FHL2: variants seen among roughly 807,000 people sequenced by gnomAD.
FHL2 encodes four and a half LIM domains protein 2.
FHL2 carries 20 observed loss-of-function variants against 32.7 expected under a neutral mutation model. The observed-to-expected ratio is 0.61, with a 90% CI of 0.43 to 0.89. The LOEUF (loss-of-function observed/expected upper bound fraction) is 0.89. Ranked by LOEUF, FHL2 falls within the 40% of genes least tolerant of loss-of-function variation. The pLI, the probability that FHL2 is intolerant of heterozygous loss-of-function variation, is 0.00. For synonymous variants in FHL2, 123 were observed against 128.1 expected (o/e 0.96, Z 0.27); for missense variants, 311 against 358.6 (o/e 0.87, Z 1.07).
At chr2:105,361,467 G>T in intron 6 of FHL2, 33 bp from the exon 7 acceptor site, 1 of 1,595,878 alleles carries the variant, frequency 6.3e-7, no homozygotes, top group South Asian at 1.1e-5. Flanking sequence ...ACCGGATGAA[G>T]AAAGTTAGAA....
intron 3 of FHL2, chr2:105,378,932 G>A (rs1321416840): frequency 1.3e-5 from 2 of 152,204 alleles, no homozygotes; most frequent in Non-Finnish European, 2.9e-5. Context: ...TCCTGGGCCA[G>A]AAATGCCTGA....
At chr2:105,412,761 G>C (rs1683832580) in intron 1 of FHL2, among the ~76,000 whole-genome samples, 1 of 152,212 alleles carries the variant, frequency 6.6e-6, no homozygotes, top group Non-Finnish European at 1.5e-5. Flanking sequence ...GGCGGGGGCA[G>C]TGAAGCCAGT....
At chr2:105,392,519 A>G (rs1172680033) in intron 2 of FHL2, among the ~76,000 whole-genome samples, 1 of 152,170 alleles carries the variant, frequency 6.6e-6, no homozygotes, top group Non-Finnish European at 1.5e-5. Context: ...AAAAGGATGT[A>G]AGAATAAAGG....
chr2:105,408,242 T>C (rs560649166), intron 1 of FHL2, among the ~76,000 whole-genome samples: 6 of 152,322 alleles, frequency 3.9e-5, no homozygotes, highest in African/African-American at 1.4e-4. Context: ...GTGGACTCAC[T>C]TGGATTGAGA....
In FHL2 at chr2:105,373,476, TC is replaced by T. The variant is rs541555210; in HGVS notation, c.331+82del. On this transcript the variant is annotated intron_variant, in intron 4 of 6. Transcript: ENST00000530340. ...GTCAACACGAGTGTCTGGAACCAAG[TC>T]AATGTGAACAGGGGGTCAGAGGAAC... The T allele has an allele frequency of 1.2e-3, 1,728 of 1,474,266 alleles. 22 individuals carry two copies. In the Admixed American group the frequency reaches 0.028, roughly 24 times the overall value. The allele number at this position is 1,474,266 out of a possible 1,614,324, so 91.3% of individuals were successfully genotyped here.
At position 105,392,152 on chromosome 2, in the gene FHL2, GTC is replaced by G. The variant is rs1353842978; in HGVS notation, c.-25+4493_-25+4494del. Among the ~76,000 whole-genome samples, 9 of 152,298 alleles carry G rather than the reference GTC, an allele frequency of 5.9e-5. No individual in the cohort carries two copies. The South Asian group carries it at 1.0e-3, about 18-fold the overall frequency. On this transcript the variant is annotated intron_variant, in intron 2 of 6. Transcript: ENST00000530340. ...GCCCAGGGAAGGCTTTGATCTCTGA[GTC>G]TCTCGCTAGCCCAGCTTTGACTCAG... is the stretch of plus-strand genomic sequence containing the variant.
At chr2:105,373,428 G>T in intron 4 of FHL2, 131 bp downstream of exon 4, 1 of 882,652 alleles carries the variant, frequency 1.1e-6, no homozygotes. Context: ...ATACTCCTCT[G>T]CAGTTCAAGG....
upstream of FHL2, chr2:105,399,360 C>T (rs1371010063): frequency 2.1e-5 from 32 of 1,535,960 alleles, 1 homozygote; most frequent in East Asian, 7.6e-4. Context: ...GGTCTGCCCA[C>T]GCCGGGATCT....
At chr2:105,386,145 A>C in intron 3 of FHL2, 1 of 497,940 alleles carries the variant, frequency 2.0e-6, no homozygotes, top group Non-Finnish European at 3.5e-6. Flanking sequence ...TACTAAGCAC[A>C]AAAGTCCTGG....
rs764275604 is a variant in FHL2, at chr2:105,363,332, C to T, written c.641G>A (p.Cys214Tyr). The change falls in exon 6 of 7, where the codon TGT becomes TAT. Residue 214 changes from cysteine (C) to tyrosine (Y), a missense_variant. Physicochemically the swap from Cys to Tyr is radical, Grantham distance 194. Transcript: ENST00000530340. ...AGCACACTTCTTGGCATACAAGTCA[C>T]AGAAGCAGTTCAGGCAGTAGGCAAA... ...DDFAYCLNCF[C>Y]DLYAKKCAGC... is the part of the protein sequence containing the mutation. The T allele has an allele frequency of 2.5e-6, 4 of 1,614,206 alleles. No homozygotes were observed. Among genetic ancestry groups the T allele is most frequent in the Non-Finnish European group, 3.4e-6 (4 of 1,180,036 alleles).
chr2:105,402,247 G>GTGTA (rs1553422834), upstream of FHL2, among the ~76,000 whole-genome samples: 5 of 150,188 alleles, frequency 3.3e-5, no homozygotes, highest in African/African-American at 7.4e-5. Flanking sequence ...GTGTGTGTGT[G>GTGTA]TATATATATA....
chr2:105,358,384 G>C (rs531798618), downstream of FHL2: 16 of 152,406 alleles, frequency 1.0e-4, no homozygotes, highest in Non-Finnish European at 8.8e-5. Context: ...CTCCCAATGT[G>C]GAGCCTCCGC....
At chr2:105,358,937 G>A (rs1189585780), downstream of FHL2, 6 of 152,124 alleles carry the variant, frequency 3.9e-5, no homozygotes, top group African/African-American at 1.4e-4. Context: ...CTGGCCTCTG[G>A]TTCCTCAGGC....
intron 3 of FHL2, chr2:105,375,130 A>AGT (rs1558691538): frequency 1.6e-5 from 2 of 123,544 alleles, no homozygotes; most frequent in South Asian, 2.6e-4. Flanking sequence ...CTTTTGCTGA[A>AGT]GTATGTGTGT....
At chr2:105,383,760 C>A (rs901164364) in intron 3 of FHL2, among the ~76,000 whole-genome samples, 3 of 152,198 alleles carry the variant, frequency 2.0e-5, no homozygotes, top group African/African-American at 7.2e-5. Context: ...TCTATCATTG[C>A]TTCCACTACA....
intron 1 of FHL2, among the ~76,000 whole-genome samples, chr2:105,414,328 AG>A (rs1308049424): frequency 6.6e-6 from 1 of 152,082 alleles, no homozygotes; most frequent in Admixed American, 6.5e-5. Context: ...ATGATTGATT[AG>A]ACCATTGGCC....
At chr2:105,421,030 G>T (rs527645047) in intron 1 of FHL2, among the ~76,000 whole-genome samples, 60 of 152,208 alleles carry the variant, frequency 3.9e-4, no homozygotes, top group Admixed American at 2.7e-3. Context: ...GGGGCACTGG[G>T]GTTGTACAGA....
chr2:105,412,170 G>A (rs1165467686), intron 1 of FHL2, among the ~76,000 whole-genome samples: 1 of 152,214 alleles, frequency 6.6e-6, no homozygotes, highest in Non-Finnish European at 1.5e-5. Context: ...GCCAACAGGT[G>A]GATGCAGCCC....
At chr2:105,413,728 C>T (rs1036555572) in intron 1 of FHL2, among the ~76,000 whole-genome samples, 3 of 152,208 alleles carry the variant, frequency 2.0e-5, no homozygotes, top group Non-Finnish European at 4.4e-5. Flanking sequence ...AATTGTCTTT[C>T]TTTGGCTTCC....
Sources: gnomAD v4.1 joint callset for allele counts (sites outside exome capture counted in the v4.1 genomes callset) on GRCh38, gnomAD v4.1.1 for gene constraint, MANE v1.5 for transcripts, NCBI Gene and HGNC (gene_info 2026-07-23, HGNC 2026-07-21) for gene names.